The following AGPS variants were observed in gnomAD, a reference collection of about 807,000 sequenced individuals.
AGPS encodes the protein alkyldihydroxyacetonephosphate synthase, peroxisomal.
Under a neutral mutation model 90.7 loss-of-function variants are expected in AGPS, and 26 were observed. The ratio of observed to expected loss-of-function variants is 0.29; its 90% confidence interval spans 0.21 to 0.40. The LOEUF (loss-of-function observed/expected upper bound fraction) is 0.40. Ranked by LOEUF, AGPS falls within the 10% of genes least tolerant of loss-of-function variation. The probability of loss-of-function intolerance (pLI) is 1.00; values close to 1 mark genes in which losing one functional copy is unlikely to be tolerated. For synonymous variants in AGPS, 294 were observed against 285.3 expected, an observed-to-expected ratio of 1.03 and a Z score of -0.31; for missense variants, 540 against 816.1, an observed-to-expected ratio of 0.66 and a Z score of 4.12.
At chr2:177,492,728 T>C (rs1194862140) in intron 11 of AGPS, among the ~76,000 whole-genome samples, 1 of 152,100 alleles carries the variant, frequency 6.6e-6, no homozygotes, top group East Asian at 1.9e-4. Context: ...CTACCTTTAC[T>C]GTGGATAAAA....
chr2:177,452,568 T>G (rs541721820), intron 8 of AGPS, among the ~76,000 whole-genome samples: 2 of 152,286 alleles, frequency 1.3e-5, no homozygotes, highest in East Asian at 3.9e-4. Flanking sequence ...ATCTTTATAT[T>G]TAGAATGTTT....
At chr2:177,517,691 T>C (rs978248386) in intron 17 of AGPS, among the ~76,000 whole-genome samples, 6 of 152,140 alleles carry the variant, frequency 3.9e-5, no homozygotes, top group African/African-American at 1.4e-4. Context: ...AAAAAAATAG[T>C]ATTGTACAAA....
rs1027563630 is a variant in AGPS at position 177,538,417 on chromosome 2, C to T, written c.*222C>T. The T allele has an allele frequency of 2.0e-5, 11 of 552,442 alleles. No homozygotes were observed. The highest frequency in any genetic ancestry group is 3.2e-5 in the Non-Finnish European group (10 of 317,234). The allele number at this position is 552,442 out of a possible 1,614,324, so 34.2% of individuals were successfully genotyped here. A position where few individuals can be genotyped will look rare whatever the true frequency, so the allele number is the denominator to read the frequency against. On this transcript the variant is annotated 3_prime_UTR_variant, in exon 20 of 20. Coordinates refer to ENST00000264167, the MANE Select transcript of AGPS (RefSeq NM_003659.4). ...CATTGTAGGTACATCATTTTACATT[C>T]AGCGGTTGTCATTTCAAATTTTAGT...
chr2:177,435,564 C>T (rs1008156690), intron 3 of AGPS, among the ~76,000 whole-genome samples: 2 of 151,942 alleles, frequency 1.3e-5, no homozygotes, highest in African/African-American at 4.8e-5. Flanking sequence ...GGATAAATTG[C>T]ACAGGGTCAA....
At chr2:177,421,866 TTC>T (rs1293816072) in intron 2 of AGPS, among the ~76,000 whole-genome samples, 1 of 152,164 alleles carries the variant, frequency 6.6e-6, no homozygotes, top group Non-Finnish European at 1.5e-5. Flanking sequence ...CCTTCTCTTT[TTC>T]TCTGTGTTTG....
chr2:177,483,371 C>T (rs987555946), intron 11 of AGPS, among the ~76,000 whole-genome samples: 3 of 152,156 alleles, frequency 2.0e-5, no homozygotes, highest in Middle Eastern at 3.2e-3. Context: ...CTGGCAGCTT[C>T]CCACTTTCAT....
In AGPS at chr2:177,441,008, A is replaced by G. The variant is rs2105636852; in HGVS notation, c.681A>G (p.Lys227=). Residue 227 remains lysine, a synonymous_variant, in exon 6 of 20, where the codon AAA becomes AAG. Transcript: ENST00000264167. ...TTAAGATTGTGAATCTAGCTTGCAA[A>G]TATAATCTTTGTATCATACCAATTG... ...DVVKIVNLAC[K]YNLCIIPIGG... The G allele has an allele frequency of 6.2e-7, 1 of 1,612,980 alleles. No homozygotes were observed. The highest frequency in any genetic ancestry group is 8.5e-7 in the Non-Finnish European group (1 of 1,179,298).
At chr2:177,399,945 G>A (rs576630278) in intron 1 of AGPS, among the ~76,000 whole-genome samples, 2 of 152,138 alleles carry the variant, frequency 1.3e-5, no homozygotes, top group South Asian at 2.1e-4. Context: ...TATCCTCATC[G>A]ATGAATAGTA....
At chr2:177,485,261 G>A (rs2105697098) in intron 11 of AGPS, among the ~76,000 whole-genome samples, 1 of 152,176 alleles carries the variant, frequency 6.6e-6, no homozygotes, top group East Asian at 1.9e-4. Flanking sequence ...TGCATATTTT[G>A]TTTTCTTGAT....
intron 16 of AGPS, among the ~76,000 whole-genome samples, chr2:177,509,233 A>G (rs933771813): frequency 6.6e-6 from 1 of 152,200 alleles, no homozygotes; most frequent in Admixed American, 6.5e-5. Flanking sequence ...TCACTCAGTC[A>G]TTCACAATTT....
intron 19 of AGPS, among the ~76,000 whole-genome samples, chr2:177,536,109 C>T (rs1046546707): frequency 2.0e-5 from 3 of 152,082 alleles, no homozygotes; most frequent in African/African-American, 4.8e-5. Context: ...GCTTCTCAGA[C>T]GATGGTTCAG....
chr2:177,454,266 T>C (rs1375119327), intron 8 of AGPS, among the ~76,000 whole-genome samples: 1 of 152,106 alleles, frequency 6.6e-6, no homozygotes, highest in Admixed American at 6.5e-5. Context: ...CTCATTTTTT[T>C]CTTTTAGTTC....
rs758795768 is a variant in AGPS, at chr2:177,434,333, T to C, written c.357T>C (p.Pro119=). The C allele has an allele frequency of 6.2e-7, 1 of 1,609,712 alleles. No individual in the cohort carries two copies. Among genetic ancestry groups the C allele is most frequent in the Non-Finnish European group, 8.5e-7 (1 of 1,176,396 alleles). ...TACTTTCTTTGTACCTTAGGTACCC[T>C]CTTAGTGGCATGGGTTTACCAACAT... ...GQIELTGKRY[P]LSGMGLPTFK... Residue 119 remains proline (P), a synonymous_variant, in exon 3 of 20, where the codon CCT becomes CCC. Coordinates refer to ENST00000264167, the MANE Select transcript of AGPS (RefSeq NM_003659.4).
At chr2:177,466,786 G>A (rs1297279972) in intron 9 of AGPS, among the ~76,000 whole-genome samples, 2 of 152,220 alleles carry the variant, frequency 1.3e-5, no homozygotes, top group Admixed American at 1.3e-4. Context: ...GGTGGAAGCA[G>A]ACACTTCCGA....
chr2:177,396,727 G>T (rs1184704023), intron 1 of AGPS, among the ~76,000 whole-genome samples: 4 of 152,150 alleles, frequency 2.6e-5, no homozygotes, highest in Non-Finnish European at 4.4e-5. Flanking sequence ...GAGAGTTTTA[G>T]AAGTTCATTA....
intron 1 of AGPS, among the ~76,000 whole-genome samples, chr2:177,395,503 A>G (rs1204471152): frequency 6.6e-6 from 1 of 152,236 alleles, no homozygotes; most frequent in Non-Finnish European, 1.5e-5. Flanking sequence ...CTTGTATTAG[A>G]TGACACATCA....
chr2:177,444,086 C>T (rs960696917), intron 7 of AGPS, among the ~76,000 whole-genome samples: 2 of 151,992 alleles, frequency 1.3e-5, no homozygotes, highest in African/African-American at 4.8e-5. Flanking sequence ...TGTTTAGCTG[C>T]CAAAGGACCA....
At chr2:177,460,149 A>C (rs1461694828) in intron 8 of AGPS, among the ~76,000 whole-genome samples, 1 of 152,162 alleles carries the variant, frequency 6.6e-6, no homozygotes, top group Non-Finnish European at 1.5e-5. Flanking sequence ...GGAACATCAC[A>C]CAGTGGGGCC....
intron 16 of AGPS, among the ~76,000 whole-genome samples, chr2:177,508,308 A>G (rs927959731): frequency 2.0e-5 from 3 of 152,180 alleles, no homozygotes; most frequent in Non-Finnish European, 4.4e-5. Flanking sequence ...GCTCAGTGTT[A>G]CTATGTGGTT....
Sources: gnomAD v4.1 joint callset for allele counts (sites outside exome capture counted in the v4.1 genomes callset) on GRCh38, gnomAD v4.1.1 for gene constraint, MANE v1.5 for transcripts, NCBI Gene and HGNC (gene_info 2026-07-23, HGNC 2026-07-21) for gene names.